The following FNTB variants were observed in gnomAD, a reference collection of about 807,000 sequenced individuals.
FNTB encodes protein farnesyltransferase subunit beta.
A neutral mutation model predicts 59.4 loss-of-function variants in FNTB; 27 were observed. The observed-to-expected ratio is 0.45, with a 90% CI of 0.34 to 0.63. FNTB has a LOEUF of 0.63. Among genes scored for constraint, FNTB ranks in the 20% least tolerant of loss-of-function variants. The pLI, the probability that FNTB is intolerant of heterozygous loss-of-function variation, is 0.02. For synonymous variants in FNTB, 230 were observed against 220.7 expected (o/e 1.04, Z -0.37); for missense variants, 449 against 559.6 (o/e 0.80, Z 1.99).
In FNTB at chr14:65,032,999, G is replaced by T. The variant is rs2062115392; in HGVS notation, c.692+303G>T. Among the ~76,000 whole-genome samples, 1 of 152,154 alleles carries T rather than the reference G, an allele frequency of 6.6e-6. No individual in the cohort carries two copies. Among genetic ancestry groups the T allele is most frequent in the African/African-American group, 2.4e-5 (1 of 41,424 alleles). ...TTGACAGTATGTCAAAGGTGCCCTTGCGTAGGACCCAGTAATTCCACTCCC... is the reference window on the plus strand; with the variant it reads ...TTGACAGTATGTCAAAGGTGCCCTTTCGTAGGACCCAGTAATTCCACTCCC... On this transcript the variant is annotated intron_variant, in intron 7 of 11. Coordinates refer to ENST00000246166, the MANE Select transcript of FNTB (RefSeq NM_002028.4). The surrounding 1 kb of genome is among the most constrained non-coding windows in gnomAD (Gnocchi z 5.0).
intron 1 of FNTB, among the ~76,000 whole-genome samples, chr14:64,999,796 A>G (rs1336095134): frequency 6.6e-6 from 1 of 152,254 alleles, no homozygotes; most frequent in Non-Finnish European, 1.5e-5. Context: ...ATCAGAATTC[A>G]TAACTTGACT....
Position 65,062,171 on chromosome 14 carries a change from C to G in FNTB, c.*859C>G, listed in dbSNP as rs2062876880. 1 of 152,448 alleles carries G rather than the reference C, an allele frequency of 6.6e-6. No individual in the cohort carries two copies. Among genetic ancestry groups the G allele is most frequent in the Non-Finnish European group, 1.5e-5 (1 of 68,194 alleles). The allele number at this position is 152,448 out of a possible 1,614,324, so 9.4% of individuals were successfully genotyped here. ...CCGAGGCCCTTCTGGGGGTTTCTAT[C>G]TTTCTTCCACCAGACTCCAAGCCCA... On this transcript the variant is annotated 3_prime_UTR_variant, in exon 12 of 12. Transcript: ENST00000246166. This position sits in a 1 kb window ranked among gnomAD's most constrained non-coding sequence, Gnocchi z 4.3.
In FNTB at chr14:65,011,861, G is replaced by T. The variant is rs1246700598; in HGVS notation, c.210-456G>T. ...GAGGCAGGCAGGGAGTAAATTATGGGCCTTGGAGAAGTCATCCCAGACGGG... is the reference window on the plus strand; with the variant it reads ...GAGGCAGGCAGGGAGTAAATTATGGTCCTTGGAGAAGTCATCCCAGACGGG... On this transcript the variant is annotated intron_variant, in intron 2 of 11. Transcript: ENST00000246166. The surrounding 1 kb of genome is among the most constrained non-coding windows in gnomAD (Gnocchi z 4.0). Among the ~76,000 whole-genome samples, 1 of 152,192 alleles carries T rather than the reference G, an allele frequency of 6.6e-6. No individual in the cohort carries two copies. The highest frequency in any genetic ancestry group is 1.5e-5 in the Non-Finnish European group (1 of 68,036).
At chr14:65,053,898 G>A (rs7158239) in intron 10 of FNTB, among the ~76,000 whole-genome samples, 74,825 of 151,976 alleles carry the variant, frequency 0.49, 20,858 homozygotes, top group African/African-American at 0.78. Context: ...TATCAGGAAG[G>A]ATGTGGCCCA....
intron 1 of FNTB, 129 bp downstream of exon 1, chr14:64,987,226 C>T (rs1299844697): frequency 4.3e-6 from 5 of 1,165,138 alleles, no homozygotes; most frequent in African/African-American, 1.5e-5. Flanking sequence ...CGGTGCCTTT[C>T]CTCTGGGAAG....
intron 1 of FNTB, among the ~76,000 whole-genome samples, chr14:64,988,973 C>G (rs951903463): frequency 1.3e-5 from 2 of 151,978 alleles, no homozygotes; most frequent in Admixed American, 1.3e-4. Flanking sequence ...ATCATTCAAT[C>G]CTTTCACTTT....
intron 4 of FNTB, among the ~76,000 whole-genome samples, chr14:65,024,817 CTG>C (rs1357525785): frequency 3.3e-5 from 5 of 152,162 alleles, no homozygotes; most frequent in Non-Finnish European, 7.3e-5. Context: ...TGGGGTCTCA[CTG>C]TGTTGCCCAG....
At chr14:64,989,396 G>A (rs1381821429) in intron 1 of FNTB, among the ~76,000 whole-genome samples, 1 of 151,406 alleles carries the variant, frequency 6.6e-6, no homozygotes, top group African/African-American at 2.4e-5. Flanking sequence ...AGCCATGATC[G>A]AGCCACGGTA....
intron 10 of FNTB, 134 bp downstream of exon 10, chr14:65,053,483 T>TG (rs1437828970): frequency 1.3e-6 from 1 of 767,062 alleles, no homozygotes; most frequent in African/African-American, 1.8e-5. Context: ...CTAGGTTGTA[T>TG]GGGAAAAAGC....
Position 65,027,802 on chromosome 14 carries a change from G to C in FNTB, c.605+21G>C, listed in dbSNP as rs772983193. 1.9e-6 allele frequency: 3 copies of C among 1,613,634 alleles called. No homozygotes were observed. Among genetic ancestry groups the C allele is most frequent in the Non-Finnish European group, 1.7e-6 (2 of 1,179,950 alleles). On this transcript the variant is annotated intron_variant, in intron 6 of 11. Coordinates refer to ENST00000246166, the MANE Select transcript of FNTB (RefSeq NM_002028.4). The surrounding 1 kb of genome is among the most constrained non-coding windows in gnomAD (Gnocchi z 5.7). Reference sequence around the variant, plus strand: ...GTGAGGTGAGTGGGGTTTTGCACAGGCTGCCACATCAGTTGACTCTAGAGC... The same window carrying C: ...GTGAGGTGAGTGGGGTTTTGCACAGCCTGCCACATCAGTTGACTCTAGAGC...
Position 65,044,530 on chromosome 14 carries a change from G to T in FNTB, c.955+87G>T, listed in dbSNP as rs1356341650. ...GGAAGCCCAGCGTGCTTTTTTAGAG[G>T]GGTTGAAATGAGCTCTGTCTATCCT... On this transcript the variant is annotated intron_variant, in intron 9 of 11. Transcript: ENST00000246166. The surrounding 1 kb of genome is among the most constrained non-coding windows in gnomAD (Gnocchi z 5.5). 1.2e-5 allele frequency: 18 copies of T among 1,527,198 alleles called. No individual in the cohort carries two copies. The highest frequency in any genetic ancestry group is 1.5e-5 in the Non-Finnish European group (17 of 1,142,628). The allele number at this position is 1,527,198 out of a possible 1,614,324, so 94.6% of individuals were successfully genotyped here.
Position 65,045,631 on chromosome 14 carries a change from T to G in FNTB, c.955+1188T>G, listed in dbSNP as rs879632140. ...GGGTTTCACCATGTTGGACAGGCTGTTCTTGAACTCCTTACCTCAGGTGAT... is the reference window on the plus strand; with the variant it reads ...GGGTTTCACCATGTTGGACAGGCTGGTCTTGAACTCCTTACCTCAGGTGAT... On this transcript the variant is annotated intron_variant, in intron 9 of 11. Transcript: ENST00000246166. Among the ~76,000 whole-genome samples, 426 of 152,220 alleles carry G rather than the reference T, an allele frequency of 2.8e-3. 1 individual carries two copies. The highest frequency in any genetic ancestry group is 4.7e-3 in the Non-Finnish European group (318 of 67,996).
rs144718428 is a variant in FNTB, at chr14:65,056,544, A to G, written c.1182+1855A>G. Among the ~76,000 whole-genome samples, 628 of 152,148 alleles carry G rather than the reference A, an allele frequency of 4.1e-3. 10 individuals are homozygous for G. The highest frequency in any genetic ancestry group is 0.04 in the East Asian group (205 of 5,170). On this transcript the variant is annotated intron_variant, in intron 11 of 11. Transcript: ENST00000246166. ...GCCAATTTGATGGGTGTGAAGTGGT[A>G]TTTGTTTGATTTTGTGTTTTCCTGA...
rs538393738 is a variant in FNTB at position 64,989,313 on chromosome 14, A to G, written c.144+2216A>G. Among the ~76,000 whole-genome samples the G allele has an allele frequency of 1.3e-4, 19 of 149,586 alleles. 1 individual carries two copies. The South Asian group carries it at 4.0e-3, about 32-fold the overall frequency. ...AAAAAAAGTAGCTGAGCGTGGTGGC[A>G]TGCACCTGTAGTCCCAGCTACTTGG... On this transcript the variant is annotated intron_variant, in intron 1 of 11. Transcript: ENST00000246166.
At chr14:64,992,006 C>T (rs1175318306) in intron 1 of FNTB, among the ~76,000 whole-genome samples, 6 of 152,118 alleles carry the variant, frequency 3.9e-5, no homozygotes, top group Admixed American at 3.9e-4. Context: ...AGAATCCTGA[C>T]CTGCTGTTGA....
chr14:64,996,123 CAAAAAAAA>C, intron 1 of FNTB, among the ~76,000 whole-genome samples: 1 of 82,556 alleles, frequency 1.2e-5, no homozygotes, highest in South Asian at 4.2e-4. Flanking sequence ...AACTCTGTCT[CAAAAAAAA>C]AAAAAAAAAG....
chr14:65,054,724 AC>A lies in FNTB; in HGVS notation c.1182+36del. 2.5e-6 allele frequency: 4 copies of A among 1,572,962 alleles called. No homozygotes were observed. The highest frequency in any genetic ancestry group is 3.5e-6 in the Non-Finnish European group (4 of 1,156,758). On this transcript the variant is annotated intron_variant, in intron 11 of 11. Coordinates refer to ENST00000246166, the MANE Select transcript of FNTB (RefSeq NM_002028.4). The surrounding 1 kb of genome is among the most constrained non-coding windows in gnomAD (Gnocchi z 4.4). ...GTGCAGGGCTTCACACCCCTTCTCC[AC>A]AGGGACCTCGCGGACAGAAGGCTTT...
chr14:65,019,188 A>G (rs1400924881), intron 4 of FNTB, among the ~76,000 whole-genome samples: 2 of 150,678 alleles, frequency 1.3e-5, no homozygotes, highest in South Asian at 2.1e-4. Flanking sequence ...AAAGAAAAAG[A>G]AAAAGAAGAA....
intron 9 of FNTB, among the ~76,000 whole-genome samples, chr14:65,050,708 A>C (rs2062587468): frequency 6.6e-6 from 1 of 152,190 alleles, no homozygotes; most frequent in Non-Finnish European, 1.5e-5. Context: ...TTTATTTTTG[A>C]CAGCTCCTGC....
Sources: allele counts gnomAD v4.1 joint callset (sites outside exome capture counted in the v4.1 genomes callset), GRCh38; gene constraint gnomAD v4.1.1; non-coding constraint Gnocchi (gnomAD v3.1); transcripts MANE v1.5; gene names NCBI Gene and HGNC (gene_info 2026-07-23, HGNC 2026-07-21).